Variants in ADCY1 observed in about 807,000 individuals in gnomAD.
ADCY1 encodes the protein adenylate cyclase type 1.
Under a neutral mutation model 105.4 loss-of-function variants are expected in ADCY1, and 28 were observed. The ratio of observed to expected loss-of-function variants is 0.27; its 90% CI spans 0.20 to 0.36. The LOEUF (loss-of-function observed/expected upper bound fraction) is 0.36. Among genes scored for constraint, ADCY1 ranks in the 10% least tolerant of loss-of-function variants. The pLI is 1.00. For synonymous variants in ADCY1, 655 were observed against 623.8 expected, an observed-to-expected ratio of 1.05 and a Z score of -0.75; for missense variants, 977 against 1,434.2, an observed-to-expected ratio of 0.68 and a Z score of 5.15.
chr7:45,607,338 C>A (rs1200750521), intron 2 of ADCY1, among the ~76,000 whole-genome samples: 2 of 152,134 alleles, frequency 1.3e-5, no homozygotes, highest in Admixed American at 1.3e-4. Context: ...TAGTGTGTTG[C>A]CTTCATCCTC....
At chr7:45,700,314 TCCC>T (rs1310582246) in intron 14 of ADCY1, among the ~76,000 whole-genome samples, 1 of 152,176 alleles carries the variant, frequency 6.6e-6, no homozygotes, top group Non-Finnish European at 1.5e-5. Context: ...TCTTTCTTCG[TCCC>T]GTCGGTGGCA....
In ADCY1 at chr7:45,639,765, A is replaced by G. The variant is rs58692174; in HGVS notation, c.1021-8905A>G. 2.0e-3 allele frequency among the ~76,000 whole-genome samples: 303 copies of G among 152,186 alleles called. 5 individuals carry two copies. The East Asian group carries it at 0.045, about 23-fold the overall frequency. Reference sequence around the variant, plus strand: ...TGGTACAGGCGGGTCCCTGATGGGGATCAGTGCAAGAGTAGACTGGTCAGT... The same window carrying G: ...TGGTACAGGCGGGTCCCTGATGGGGGTCAGTGCAAGAGTAGACTGGTCAGT... On this transcript the variant is annotated intron_variant, in intron 4 of 19. Coordinates refer to ENST00000297323, the MANE Select transcript of ADCY1 (RefSeq NM_021116.4).
At chr7:45,657,566 A>G (rs1193264213) in intron 5 of ADCY1, among the ~76,000 whole-genome samples, 161 bp from the exon 6 acceptor site, 1 of 152,206 alleles carries the variant, frequency 6.6e-6, no homozygotes, top group Non-Finnish European at 1.5e-5. Context: ...GGAAGGCTCC[A>G]TGTCCACTGA....
In ADCY1 at chr7:45,648,732, C is replaced by G; in HGVS notation, c.1083C>G (p.Thr361=). 1 of 1,614,170 alleles carries G rather than the reference C, an allele frequency of 6.2e-7. No homozygotes were observed. The highest frequency in any genetic ancestry group is 2.2e-5 in the East Asian group (1 of 44,868). The change falls in exon 5 of 20, where the codon ACC becomes ACG. Residue 361 remains threonine (T), a synonymous_variant. Transcript: ENST00000297323. ...GCTACTACTGCGTGTCGGGCCTCAC[C>G]CAGCCCAAGACTGACCATGCCCACT... ...GDCYYCVSGL[T]QPKTDHAHCC... is the part of the protein sequence containing the mutation.
Position 45,679,693 on chromosome 7 carries a change from G to A in ADCY1, c.1899-16G>A. 1.2e-6 allele frequency: 2 copies of A among 1,614,140 alleles called. No individual in the cohort carries two copies. Among genetic ancestry groups the A allele is most frequent in the East Asian group, 2.2e-5 (1 of 44,880 alleles). On this transcript the variant is annotated splice_polypyrimidine_tract_variant and intron_variant, in intron 10 of 19. Coordinates refer to ENST00000297323, the MANE Select transcript of ADCY1 (RefSeq NM_021116.4). ...ATCCCCACCTATCAGTGACTCTCATGTTTTCTGTCCCCCAGGAGTGTGGTC... is the reference window on the plus strand; with the variant it reads ...ATCCCCACCTATCAGTGACTCTCATATTTTCTGTCCCCCAGGAGTGTGGTC...
chr7:45,669,952 G>T (rs1404146708), intron 8 of ADCY1, among the ~76,000 whole-genome samples: 3 of 152,000 alleles, frequency 2.0e-5, no homozygotes, highest in African/African-American at 7.3e-5. Context: ...TAATAAATAG[G>T]GTTTTACCAC....
At chr7:45,601,087 G>A (rs546650268) in intron 2 of ADCY1, among the ~76,000 whole-genome samples, 1 of 152,216 alleles carries the variant, frequency 6.6e-6, no homozygotes, top group African/African-American at 2.4e-5. Flanking sequence ...GATGCTGCGT[G>A]TGAGTCCTGG....
chr7:45,684,248 T>G (rs977667000), intron 11 of ADCY1: 4 of 152,270 alleles, frequency 2.6e-5, no homozygotes, highest in African/African-American at 4.8e-5. Flanking sequence ...TCCTTGTCCA[T>G]AGAAGAAGTG....
intron 2 of ADCY1, among the ~76,000 whole-genome samples, chr7:45,599,567 G>A (rs1004379558): frequency 6.6e-5 from 10 of 151,712 alleles, no homozygotes; most frequent in Non-Finnish European, 1.0e-4. Context: ...GTCTGTGGGA[G>A]GCTCTGCGGC....
chr7:45,574,717 G>A lies in ADCY1; in HGVS notation c.174G>A (p.Gln58=). 7.1e-7 allele frequency: 1 copy of A among 1,410,800 alleles called. No individual in the cohort carries two copies. The highest frequency in any genetic ancestry group is 1.5e-5 in the South Asian group (1 of 65,584). 87.4% of individuals were successfully genotyped at this position (1,410,800 alleles called of 1,614,324 possible). The change falls in exon 1 of 20, where the codon CAG becomes CAA. Residue 58 remains glutamine (Q), a synonymous_variant. Transcript: ENST00000297323. The surrounding 1 kb of genome is among the most constrained non-coding windows in gnomAD (Gnocchi z 7.0). ...LFRGYTLRLE[Q]AATLKALAVL... ...GCGGCTACACGCTGCGGCTGGAGCA[G>A]GCGGCCACGCTGAAGGCGCTGGCCG...
chr7:45,589,666 GC>G (rs1167598699), intron 1 of ADCY1, among the ~76,000 whole-genome samples: 1 of 152,152 alleles, frequency 6.6e-6, no homozygotes, highest in Non-Finnish European at 1.5e-5. Flanking sequence ...AAATGCGGGG[GC>G]GTGGGTGTCT....
chr7:45,613,310 A>T (rs759906572), intron 3 of ADCY1, among the ~76,000 whole-genome samples: 24 of 152,212 alleles, frequency 1.6e-4, no homozygotes, highest in Non-Finnish European at 3.2e-4. Context: ...CACTAGAAGG[A>T]TTCAACAGAA....
intron 16 of ADCY1, 103 bp from the exon 17 acceptor site, chr7:45,704,415 T>G: frequency 2.2e-6 from 2 of 929,232 alleles, no homozygotes; most frequent in Middle Eastern, 2.2e-4. Context: ...GTTGCTTTCC[T>G]GAATGTGTCC....
At position 45,601,409 on chromosome 7, in the gene ADCY1, C is replaced by T. The variant is rs546391617; in HGVS notation, c.789+8501C>T. Among the ~76,000 whole-genome samples the T allele has an allele frequency of 2.0e-5, 3 of 152,252 alleles. No individual in the cohort carries two copies. In the South Asian group the frequency reaches 6.2e-4, roughly 32 times the overall value. On this transcript the variant is annotated intron_variant, in intron 2 of 19. Transcript: ENST00000297323. ...GTGGCTGGTTGTGGGTGATGAGGGG[C>T]GGTGGTATCCATACCTGAGCGCACT...
At chr7:45,648,628 T>C in intron 4 of ADCY1, 42 bp from the exon 5 acceptor site, 2 of 1,613,152 alleles carry the variant, frequency 1.2e-6, no homozygotes, top group Non-Finnish European at 1.7e-6. Context: ...TCACAGCCTC[T>C]GTAGCGCTGT....
chr7:45,624,433 G>A (rs1793994418), intron 4 of ADCY1, among the ~76,000 whole-genome samples: 1 of 152,112 alleles, frequency 6.6e-6, no homozygotes, highest in African/African-American at 2.4e-5. Flanking sequence ...TTGAGATCCA[G>A]TTGTAAAGTC....
chr7:45,636,927 T>G (rs1794410756), intron 4 of ADCY1, among the ~76,000 whole-genome samples: 1 of 152,222 alleles, frequency 6.6e-6, no homozygotes, highest in Admixed American at 6.5e-5. Flanking sequence ...TCAATTGGAG[T>G]GTTTGGACTG....
intron 5 of ADCY1, among the ~76,000 whole-genome samples, chr7:45,651,486 T>G (rs1167512527): frequency 4.0e-5 from 6 of 151,836 alleles, no homozygotes. Flanking sequence ...TGGAGTGGAG[T>G]GTTTTATTTG....
chr7:45,574,507 G>A lies in ADCY1; in HGVS notation c.-37G>A, dbSNP rs1445252743. On this transcript the variant is annotated 5_prime_UTR_variant, in exon 1 of 20. Transcript: ENST00000297323. The surrounding 1 kb of genome is among the most constrained non-coding windows in gnomAD (Gnocchi z 7.0). ...GCCCCGGCGCCCCGGGCCGGCGAGG[G>A]GCGCGCCCGCGGCCGCGGCCGCTGC... 1.0e-6 allele frequency: 1 copy of A among 969,636 alleles called. No individual in the cohort carries two copies. The highest frequency in any genetic ancestry group is 1.2e-6 in the Non-Finnish European group (1 of 820,182). The allele number at this position is 969,636 out of a possible 1,614,324, so 60.1% of individuals were successfully genotyped here.
Sources: gnomAD v4.1 joint callset for allele counts (sites outside exome capture counted in the v4.1 genomes callset) on GRCh38, gnomAD v4.1.1 for gene constraint, Gnocchi (gnomAD v3.1) non-coding constraint, MANE v1.5 for transcripts, NCBI Gene and HGNC (gene_info 2026-07-23, HGNC 2026-07-21) for gene names.